Variants in AMBP observed in about 807,000 individuals in gnomAD.
AMBP encodes the protein protein AMBP.
AMBP carries 37 observed loss-of-function variants against 46.3 expected under a neutral mutation model. That is an observed-to-expected ratio of 0.80 (90% CI 0.61 to 1.05). AMBP has a LOEUF of 1.05. Among genes scored for constraint, AMBP ranks in the 50% least tolerant of loss-of-function variants. The pLI is 0.00. For synonymous variants in AMBP, 174 were observed against 175.9 expected (o/e 0.99, Z 0.09); for missense variants, 475 against 461.2 (o/e 1.03, Z -0.27).
At chr9:114,060,376 A>G (rs960708631) in intron 9 of AMBP, 106 bp from the exon 10 acceptor site, 160 of 1,202,098 alleles carry the variant, frequency 1.3e-4, no homozygotes, top group Middle Eastern at 7.5e-4. Context: ...TGAATCATTT[A>G]TCTCCAAAGG....
intron 2 of AMBP, among the ~76,000 whole-genome samples, chr9:114,075,910 C>T (rs934017972): frequency 1.3e-5 from 2 of 152,032 alleles, no homozygotes; most frequent in Non-Finnish European, 1.5e-5. Context: ...GACCTGGAGG[C>T]GTGAGAGTTC....
intron 6 of AMBP, among the ~76,000 whole-genome samples, chr9:114,063,702 A>G (rs916577771): frequency 2.0e-5 from 3 of 151,970 alleles, no homozygotes; most frequent in Non-Finnish European, 2.9e-5. Flanking sequence ...TGCATCCAAA[A>G]AAACAACAAA....
intron 3 of AMBP, 35 bp from the exon 4 acceptor site, chr9:114,074,187 G>A (rs1264062434): frequency 1.3e-6 from 2 of 1,554,378 alleles, no homozygotes; most frequent in Admixed American, 3.3e-5. Flanking sequence ...AAAGGGATCA[G>A]TGGTCAGTAG....
chr9:114,062,789 G>C (rs1383138443), intron 6 of AMBP, 31 bp from the exon 7 acceptor site: 1 of 1,602,902 alleles, frequency 6.2e-7, no homozygotes, highest in South Asian at 1.1e-5. Context: ...AGAAGCAGTT[G>C]CAGACTCCTT....
intron 2 of AMBP, among the ~76,000 whole-genome samples, chr9:114,076,314 C>G (rs1846806071): frequency 6.6e-6 from 1 of 151,796 alleles, no homozygotes; most frequent in African/African-American, 2.4e-5. Context: ...AGCCCAGTTC[C>G]CAGGTTGGGT....
chr9:114,077,978 G>T, intron 1 of AMBP, 115 bp downstream of exon 1: 1 of 1,001,516 alleles, frequency 1.0e-6, no homozygotes, highest in Non-Finnish European at 1.6e-6. Flanking sequence ...CATAATCCCA[G>T]ATGATCTGAG....
chr9:114,078,132 G>C lies in AMBP; in HGVS notation c.78C>G (p.Pro26=), dbSNP rs370861014. Residue 26 remains proline (P), a synonymous_variant, in exon 1 of 10, where the codon CCC becomes CCG. Transcript: ENST00000265132. Reference sequence around the variant, plus strand: ...AGTTTTCCTGCACTTGGATGTTGTCGGGCGGCGTTGGCACAGGGCCAGCGC... The same window carrying C: ...AGTTTTCCTGCACTTGGATGTTGTCCGGCGGCGTTGGCACAGGGCCAGCGC... The part of the protein sequence containing the change: ...AVSAGPVPTP[P]DNIQVQENFN... 1.9e-6 allele frequency: 3 copies of C among 1,613,708 alleles called. No individual in the cohort carries two copies. The highest frequency in any genetic ancestry group is 1.1e-5 in the South Asian group (1 of 91,078).
rs768870445 is a variant in AMBP at position 114,061,011 on chromosome 9, A to G, written c.941T>C (p.Leu314Pro). 2 of 1,614,224 alleles carry G rather than the reference A, an allele frequency of 1.2e-6. No individual in the cohort carries two copies. The highest frequency in any genetic ancestry group is 2.2e-5 in the South Asian group (2 of 91,074). The change falls in exon 9 of 10, where the codon CTC becomes CCC. Residue 314 changes from leucine (L) to proline (P), a missense_variant. Around this residue, in one of 3 missense-constraint regions of AMBP, gnomAD observed 293 missense variants for 276.9 expected, o/e 1.06. Transcript: ENST00000265132. The part of the protein sequence containing the change: ...AFDAVKGKCV[L>P]FPYGGCQGNG... ...GCCCTGGCAGCCCCCGTAGGGGAAG[A>G]GGACGCACTTCCCCTTGACAGCATC...
At chr9:114,077,175 G>A (rs1168372257) in intron 1 of AMBP, among the ~76,000 whole-genome samples, 1 of 152,178 alleles carries the variant, frequency 6.6e-6, no homozygotes, top group African/African-American at 2.4e-5. Context: ...ACATGATGGG[G>A]TCATTCAGGA....
At chr9:114,061,255 C>T (rs550689415) in intron 8 of AMBP, 157 bp from the exon 9 acceptor site, 1,146 of 1,395,658 alleles carry the variant, frequency 8.2e-4, no homozygotes, top group Non-Finnish European at 1.0e-3. Flanking sequence ...AAATGATTTG[C>T]CCGAGGTCCT....
At chr9:114,060,375 T>C (rs550927811) in intron 9 of AMBP, 105 bp from the exon 10 acceptor site, 2 of 1,218,464 alleles carry the variant, frequency 1.6e-6, no homozygotes, top group East Asian at 4.8e-5. Context: ...CTGAATCATT[T>C]ATCTCCAAAG....
intron 4 of AMBP, among the ~76,000 whole-genome samples, chr9:114,073,289 T>C (rs1374102145): frequency 1.3e-5 from 2 of 150,786 alleles, no homozygotes; most frequent in African/African-American, 2.4e-5. Flanking sequence ...CTCTGTCGCC[T>C]AGGCTGGAGT....
chr9:114,061,845 C>T (rs767212201), intron 7 of AMBP, among the ~76,000 whole-genome samples: 13 of 152,070 alleles, frequency 8.5e-5, no homozygotes, highest in Non-Finnish European at 1.6e-4. Flanking sequence ...AACCACAGGC[C>T]CACTGTCCCC....
chr9:114,062,638 G>T, intron 7 of AMBP, 39 bp downstream of exon 7: 1 of 1,601,418 alleles, frequency 6.2e-7, no homozygotes, highest in Non-Finnish European at 8.5e-7. Flanking sequence ...TTCCTTTCTG[G>T]AGTATGGCAG....
At chr9:114,072,541 C>G (rs1010706545) in intron 5 of AMBP, among the ~76,000 whole-genome samples, 2 of 152,224 alleles carry the variant, frequency 1.3e-5, no homozygotes, top group African/African-American at 2.4e-5. Context: ...AAGCAAAACT[C>G]AGGCAAAGGC....
chr9:114,069,809 C>CGGATTTGTATCTTTGGTGAG (rs1846726222), intron 5 of AMBP, 64 bp from the exon 6 acceptor site: 1 of 1,547,048 alleles, frequency 6.5e-7, no homozygotes, highest in East Asian at 2.3e-5. Flanking sequence ...ATCCTAGACC[C>CGGATTTGTATCTTTGGTGAG]GGATTTGTAT....
chr9:114,070,007 A>G (rs1846728369), intron 5 of AMBP: 1 of 528,682 alleles, frequency 1.9e-6, no homozygotes, highest in Non-Finnish European at 3.4e-6. Context: ...AAGAATAGCA[A>G]TAGCTAACAC....
chr9:114,062,959 G>A lies in AMBP; in HGVS notation c.604-201C>T, dbSNP rs576553654. On this transcript the variant is annotated intron_variant, in intron 6 of 9. Transcript: ENST00000265132. ...ACAGGCATCAGAGGACAGATTTCTG[G>A]TCTGAAATGAAATTTAAAACCATGA... is the stretch of plus-strand genomic sequence containing the variant. Among the ~76,000 whole-genome samples the A allele has an allele frequency of 1.4e-4, 21 of 152,216 alleles. 1 individual carries two copies. In the South Asian group the frequency reaches 1.7e-3, roughly 12 times the overall value.
At chr9:114,075,255 C>A (rs1846793773) in intron 2 of AMBP, among the ~76,000 whole-genome samples, 1 of 152,194 alleles carries the variant, frequency 6.6e-6, no homozygotes, top group South Asian at 2.1e-4. Flanking sequence ...GATGGAGGGA[C>A]AAAGAAGAAG....
Sources: allele counts gnomAD v4.1 joint callset (sites outside exome capture counted in the v4.1 genomes callset), GRCh38; gene constraint gnomAD v4.1.1; regional missense constraint gnomAD v4.1.1; transcripts MANE v1.5; gene names NCBI Gene and HGNC (gene_info 2026-07-23, HGNC 2026-07-21).